Variants in ERG observed in about 807,000 individuals in gnomAD.
The protein encoded by ERG is ETS transcription factor ERG.
In ERG, 9 loss-of-function variants were observed where a neutral mutation model predicts 55.3. That is an observed-to-expected ratio of 0.16 (90% confidence interval 0.10 to 0.28). The LOEUF (loss-of-function observed/expected upper bound fraction) is 0.28, where lower values mean the gene tolerates loss of function less well. Among genes scored for constraint, ERG ranks in the 10% least tolerant of loss-of-function variants. The pLI is 1.00. For synonymous variants in ERG, 223 were observed against 237.3 expected (o/e 0.94, Z 0.55); for missense variants, 434 against 631.6 (o/e 0.69, Z 3.35).
At chr21:38,573,656 T>C (rs148674625) in intron 2 of ERG, among the ~76,000 whole-genome samples, 410 of 152,330 alleles carry the variant, frequency 2.7e-3, no homozygotes, top group East Asian at 0.013. Context: ...ATCACCCTGC[T>C]CTCCTACTAC....
chr21:38,509,768 G>A (rs1266320811), intron 2 of ERG, among the ~76,000 whole-genome samples: 1 of 152,194 alleles, frequency 6.6e-6, no homozygotes, highest in African/African-American at 2.4e-5. Context: ...AGAAATAGGG[G>A]TGGTAAATGA....
At chr21:38,398,047 G>A (rs115376250) in intron 6 of ERG, among the ~76,000 whole-genome samples, 361 of 152,284 alleles carry the variant, frequency 2.4e-3, no homozygotes, top group African/African-American at 8.0e-3. Flanking sequence ...ATTTGGGTCT[G>A]TATCCCCAAG....
chr21:38,493,858 G>C (rs1274792078), intron 1 of ERG, among the ~76,000 whole-genome samples: 1 of 152,216 alleles, frequency 6.6e-6, no homozygotes, highest in African/African-American at 2.4e-5. Context: ...GCCTGGGTGT[G>C]GGAGGCCGCA....
At chr21:38,650,748 G>T (rs1184927641) in intron 1 of ERG, among the ~76,000 whole-genome samples, 2 of 152,222 alleles carry the variant, frequency 1.3e-5, no homozygotes, top group African/African-American at 4.8e-5. Flanking sequence ...CAAATGGCAT[G>T]TAAGCACTGT....
At chr21:38,637,429 G>C (rs1049287176) in intron 1 of ERG, among the ~76,000 whole-genome samples, 1 of 152,168 alleles carries the variant, frequency 6.6e-6, no homozygotes, top group African/African-American at 2.4e-5. Context: ...AGCTATTGTG[G>C]TGAAATGAGT....
At chr21:38,530,311 C>T (rs140839762) in intron 2 of ERG, among the ~76,000 whole-genome samples, 3 of 152,254 alleles carry the variant, frequency 2.0e-5, no homozygotes, top group African/African-American at 7.2e-5. Flanking sequence ...CCACCCGCCT[C>T]GGCCTCCCAA....
At chr21:38,528,216 G>A (rs1170360729) in intron 2 of ERG, among the ~76,000 whole-genome samples, 7 of 152,030 alleles carry the variant, frequency 4.6e-5, no homozygotes, top group Non-Finnish European at 1.0e-4. Flanking sequence ...TGGATTAGGG[G>A]CCCACCCTAC....
At chr21:38,561,385 C>T (rs1306964459) in intron 2 of ERG, among the ~76,000 whole-genome samples, 1 of 151,920 alleles carries the variant, frequency 6.6e-6, no homozygotes, top group Non-Finnish European at 1.5e-5. Flanking sequence ...GACCCAACAC[C>T]CCTTGTCACA....
chr21:38,418,275 G>GTGTGTGTGTGTC (rs1444850893), intron 3 of ERG, among the ~76,000 whole-genome samples: 2 of 122,266 alleles, frequency 1.6e-5, no homozygotes, highest in Non-Finnish European at 3.9e-5. Flanking sequence ...TTGGAAGTGT[G>GTGTGTGTGTGTC]TGTGTGTGTG....
chr21:38,498,815 G>A (rs971408777), upstream of ERG, among the ~76,000 whole-genome samples: 1 of 152,130 alleles, frequency 6.6e-6, no homozygotes, highest in Non-Finnish European at 1.5e-5. The surrounding 1 kb of genome is among the most constrained non-coding windows in gnomAD (Gnocchi z 4.6). Flanking sequence ...GGCGTTGAGG[G>A]CACCCCACTG....
chr21:38,401,292 C>T (rs1014334334), intron 5 of ERG, among the ~76,000 whole-genome samples: 1 of 152,144 alleles, frequency 6.6e-6, no homozygotes, highest in Admixed American at 6.5e-5. Context: ...GGTTAAAGAA[C>T]TCATAAATAA....
Position 38,390,978 on chromosome 21 carries a change from C to A in ERG, c.919+17G>T, listed in dbSNP as rs545402863. 9.5e-5 allele frequency: 152 copies of A among 1,606,892 alleles called. 2 individuals are homozygous for A. The South Asian group carries it at 1.6e-3, about 17-fold the overall frequency. On this transcript the variant is annotated intron_variant, in intron 9 of 9. Transcript: ENST00000288319. ...AAAAGTAATTTTGTAAGAAGAAAATCATCAGCAGTTTCTCACCTGGATTTG... is the reference window on the plus strand; with the variant it reads ...AAAAGTAATTTTGTAAGAAGAAAATAATCAGCAGTTTCTCACCTGGATTTG...
intron 1 of ERG, among the ~76,000 whole-genome samples, chr21:38,461,452 C>T (rs749253048): frequency 6.6e-6 from 1 of 152,220 alleles, no homozygotes; most frequent in African/African-American, 2.4e-5. Context: ...GAACACTATT[C>T]AACCCATACC....
intron 3 of ERG, among the ~76,000 whole-genome samples, chr21:38,404,566 T>C (rs1988671720): frequency 6.6e-6 from 1 of 152,166 alleles, no homozygotes; most frequent in Admixed American, 6.5e-5. Context: ...GTGTGGTAAA[T>C]GGGGCGGCTG....
intron 2 of ERG, among the ~76,000 whole-genome samples, chr21:38,545,853 T>C (rs1442510965): frequency 2.6e-5 from 4 of 152,218 alleles, no homozygotes; most frequent in Non-Finnish European, 4.4e-5. Context: ...CAGTGTCTCA[T>C]TAACTCCAAC....
chr21:38,376,413 C>T (rs1987244995), downstream of ERG, among the ~76,000 whole-genome samples: 1 of 152,196 alleles, frequency 6.6e-6, no homozygotes, highest in African/African-American at 2.4e-5. Flanking sequence ...GAGGCGGGTC[C>T]TACCCTGATG....
At chr21:38,386,318 C>T (rs990227180) in intron 9 of ERG, among the ~76,000 whole-genome samples, 1 of 152,090 alleles carries the variant, frequency 6.6e-6, no homozygotes, top group African/African-American at 2.4e-5. Context: ...TTGAAAGAAA[C>T]CTGGAAATGC....
chr21:38,403,478 T>C, intron 4 of ERG, 28 bp downstream of exon 4: 1 of 1,608,454 alleles, frequency 6.2e-7, no homozygotes, highest in South Asian at 1.1e-5. Context: ...GCCACAGCCA[T>C]CTATCCTTGG....
At chr21:38,392,805 T>C (rs1307661861) in intron 6 of ERG, among the ~76,000 whole-genome samples, 2 of 152,222 alleles carry the variant, frequency 1.3e-5, no homozygotes, top group Non-Finnish European at 2.9e-5. Context: ...TCTTCATGAC[T>C]CATCCAAAGC....
Sources: allele counts gnomAD v4.1 joint callset (sites outside exome capture counted in the v4.1 genomes callset), GRCh38; gene constraint gnomAD v4.1.1; non-coding constraint Gnocchi (gnomAD v3.1); transcripts MANE v1.5; gene names NCBI Gene and HGNC (gene_info 2026-07-23, HGNC 2026-07-21).